KLHL32: variants seen among roughly 807,000 people sequenced by gnomAD.
The protein encoded by KLHL32 is kelch-like protein 32.
Under a neutral mutation model 64.8 loss-of-function variants are expected in KLHL32, and 35 were observed. The observed-to-expected ratio is 0.54, with a 90% CI of 0.41 to 0.72. The LOEUF (loss-of-function observed/expected upper bound fraction) is 0.72. Ranked by LOEUF, KLHL32 falls within the 30% of genes least tolerant of loss-of-function variation. The pLI is 0.00. For missense variants in KLHL32, 589 were observed against 768.5 expected (o/e 0.77, Z 2.76); for synonymous variants, 259 against 281.0 (o/e 0.92, Z 0.78).
chr6:96,930,674 A>G (rs567286877), intron 1 of KLHL32, among the ~76,000 whole-genome samples: 135 of 152,128 alleles, frequency 8.9e-4, no homozygotes, highest in Non-Finnish European at 1.6e-3. Flanking sequence ...AGCTACCCTC[A>G]TTATGCTATG....
chr6:97,051,632 G>T (rs1786924873), intron 4 of KLHL32, among the ~76,000 whole-genome samples: 1 of 152,138 alleles, frequency 6.6e-6, no homozygotes, highest in East Asian at 1.9e-4. Context: ...TTACAACTTT[G>T]TTCCTTCTTG....
chr6:97,075,390 C>T (rs1791440419), intron 5 of KLHL32, among the ~76,000 whole-genome samples: 4 of 151,982 alleles, frequency 2.6e-5, no homozygotes, highest in Non-Finnish European at 5.9e-5. Context: ...TACATATAAA[C>T]ATATCTGAGT....
the KLHL32 span, among the ~76,000 whole-genome samples, chr6:96,899,770 A>T: frequency 5.9e-5 from 9 of 152,206 alleles, no homozygotes; most frequent in African/African-American, 2.2e-4. Context: ...ATATAAATTA[A>T]CAGGAACTCT....
rs72275621 is a variant in KLHL32, at chr6:96,943,385, T to TA, written c.-66+18375dup. Among the ~76,000 whole-genome samples the TA allele has an allele frequency of 9.8e-3, 1,379 of 140,016 alleles. 12 individuals are homozygous for TA. The highest frequency in any genetic ancestry group is 0.026 in the African/African-American group (974 of 37,718). The allele number at this position is 140,016 out of a possible 152,430, so 91.9% of individuals were successfully genotyped here. A position where few individuals can be genotyped will look rare whatever the true frequency, so the allele number is the denominator to read the frequency against. ...ATTTACTTCTATTTCCAAGAAGAAG[T>TA]AAAAAAAAAAAAAAAACCTTATACT... On this transcript the variant is annotated intron_variant, in intron 1 of 10. Transcript: ENST00000369261.
intron 4 of KLHL32, among the ~76,000 whole-genome samples, chr6:97,044,991 GTC>G (rs768638879): frequency 6.6e-5 from 10 of 151,384 alleles, no homozygotes; most frequent in East Asian, 1.9e-4. Flanking sequence ...TGTCTTTGTA[GTC>G]TCTATTTTTC....
intron 6 of KLHL32, among the ~76,000 whole-genome samples, chr6:97,112,532 C>T (rs936858510): frequency 4.0e-5 from 6 of 151,744 alleles, no homozygotes; most frequent in African/African-American, 1.5e-4. Context: ...CTGTAAGCTC[C>T]ACCTCCCGGG....
intron 1 of KLHL32, among the ~76,000 whole-genome samples, chr6:96,940,443 A>T (rs1771146889): frequency 6.6e-6 from 1 of 152,206 alleles, no homozygotes; most frequent in East Asian, 1.9e-4. Flanking sequence ...TGATTCAAGG[A>T]GAGAGCATTT....
At chr6:97,016,506 C>G (rs549348785) in intron 3 of KLHL32, among the ~76,000 whole-genome samples, 1 of 152,292 alleles carries the variant, frequency 6.6e-6, no homozygotes, top group South Asian at 2.1e-4. Context: ...AGTGTATTTA[C>G]CCAATGCTTG....
the KLHL32 span, among the ~76,000 whole-genome samples, chr6:96,913,516 T>C: frequency 9.2e-5 from 14 of 152,350 alleles, no homozygotes; most frequent in African/African-American, 3.4e-4. Flanking sequence ...CCTTGACTGA[T>C]GTCAATGTGA....
intron 3 of KLHL32, among the ~76,000 whole-genome samples, chr6:96,981,227 C>G (rs548470639): frequency 2.6e-4 from 40 of 152,104 alleles, no homozygotes; most frequent in Non-Finnish European, 5.0e-4. Flanking sequence ...CTTACTGATT[C>G]AATTTTGGAA....
At chr6:97,010,126 C>CAAAAAAAA (rs57115555) in intron 3 of KLHL32, 1 of 86,998 alleles carries the variant, frequency 1.1e-5, no homozygotes, top group Non-Finnish European at 2.8e-5. Context: ...ACTGATTTGA[C>CAAAAAAAA]AAAAAAAAAA....
At chr6:97,102,107 G>A (rs900430747) in intron 6 of KLHL32, among the ~76,000 whole-genome samples, 3 of 152,172 alleles carry the variant, frequency 2.0e-5, no homozygotes, top group African/African-American at 7.2e-5. Context: ...TGATAAAACT[G>A]AGTATCAGCA....
At position 97,041,744 on chromosome 6, in the gene KLHL32, G is replaced by A. The variant is rs909286822; in HGVS notation, c.312+145G>A. ...AAGATTCACATCCTCTTAATTTTAT[G>A]ACTAAAGTTATGGAAAGGTAAGTAA... On this transcript the variant is annotated intron_variant, in intron 4 of 10. Coordinates refer to ENST00000369261, the MANE Select transcript of KLHL32 (RefSeq NM_052904.4). 3.4e-5 allele frequency: 19 copies of A among 557,826 alleles called. No homozygotes were observed. In the African/African-American group the frequency reaches 3.4e-4, roughly 10 times the overall value. 34.6% of individuals were successfully genotyped at this position (557,826 alleles called of 1,614,324 possible).
At chr6:97,035,189 G>C (rs1042943009) in intron 3 of KLHL32, among the ~76,000 whole-genome samples, 6 of 152,106 alleles carry the variant, frequency 3.9e-5, no homozygotes, top group Admixed American at 2.6e-4. Flanking sequence ...ATGTCTTGTA[G>C]TTACAATGGT....
the KLHL32 span, among the ~76,000 whole-genome samples, chr6:96,898,701 AAAAC>A: frequency 4.3e-4 from 65 of 151,916 alleles, no homozygotes; most frequent in East Asian, 6.0e-3. Context: ...TCAGAAAAAA[AAAAC>A]AAACAAACAA....
intron 1 of KLHL32, among the ~76,000 whole-genome samples, chr6:96,953,892 A>C (rs1254013008): frequency 6.6e-6 from 1 of 151,544 alleles, no homozygotes; most frequent in Non-Finnish European, 1.5e-5. Context: ...ATTGTTATCA[A>C]CAATTCAATC....
At chr6:96,998,983 G>T (rs898004223) in intron 3 of KLHL32, among the ~76,000 whole-genome samples, 2 of 152,088 alleles carry the variant, frequency 1.3e-5, no homozygotes, top group Non-Finnish European at 2.9e-5. Flanking sequence ...TATGGCTAAA[G>T]AATTTATTAC....
rs1176018258 is a variant in KLHL32 at position 96,988,261 on chromosome 6, AAAAC to A, written c.204+12091_204+12094del. Reference sequence around the variant, plus strand: ...TGAACTCAAACAAATCTACAAGAAAAAAACAAACAACCCCATCCACAAGTGGGTG... The same window carrying A: ...TGAACTCAAACAAATCTACAAGAAAAAAACAACCCCATCCACAAGTGGGTG... On this transcript the variant is annotated intron_variant, in intron 3 of 10. Coordinates refer to ENST00000369261, the MANE Select transcript of KLHL32 (RefSeq NM_052904.4). Among the ~76,000 whole-genome samples the A allele has an allele frequency of 6.4e-4, 98 of 152,344 alleles. 1 individual carries two copies. The highest frequency in any genetic ancestry group is 6.5e-4 in the African/African-American group (27 of 41,576).
chr6:96,990,346 G>T (rs902774376), intron 3 of KLHL32, among the ~76,000 whole-genome samples: 5 of 152,098 alleles, frequency 3.3e-5, no homozygotes, highest in Non-Finnish European at 5.9e-5. Context: ...TATGGGGGTG[G>T]GGGTTATGTT....
Sources: allele counts gnomAD v4.1 joint callset (sites outside exome capture counted in the v4.1 genomes callset), GRCh38; gene constraint gnomAD v4.1.1; transcripts MANE v1.5; gene names NCBI Gene and HGNC (gene_info 2026-07-23, HGNC 2026-07-21).